Variants in PRKAR1B observed in about 807,000 individuals in gnomAD.
PRKAR1B encodes the protein cAMP-dependent protein kinase type I-beta regulatory subunit.
Under a neutral mutation model 46.5 loss-of-function variants are expected in PRKAR1B, and 22 were observed. The observed-to-expected ratio is 0.47, with a 90% CI of 0.34 to 0.68. The LOEUF (loss-of-function observed/expected upper bound fraction) is 0.68, where lower values mean the gene tolerates loss of function less well. PRKAR1B is among the 30% of genes least tolerant of loss of function. The probability of loss-of-function intolerance (pLI) is 0.01; values close to 1 mark genes in which losing one functional copy is unlikely to be tolerated. For synonymous variants in PRKAR1B, 259 were observed against 217.7 expected (o/e 1.19, Z -1.67); for missense variants, 445 against 535.6 (o/e 0.83, Z 1.67).
At chr7:609,623 T>A (rs1377667953) in intron 4 of PRKAR1B, among the ~76,000 whole-genome samples, 1 of 152,250 alleles carries the variant, frequency 6.6e-6, no homozygotes, top group Non-Finnish European at 1.5e-5. Flanking sequence ...TGCATATCAC[T>A]GACAGAAAGA....
At chr7:637,585 G>C (rs559508433) in intron 4 of PRKAR1B, among the ~76,000 whole-genome samples, 27 of 152,326 alleles carry the variant, frequency 1.8e-4, no homozygotes, top group Non-Finnish European at 3.5e-4. Context: ...TGTGATCCCA[G>C]CACTTTGGGA....
chr7:606,212 A>G lies in PRKAR1B; in HGVS notation c.530T>C (p.Val177Ala), dbSNP rs548436328. ...ACTCACATCCACTTCCCCTTGATCA[A>G]CGACATAGAAGTTGTCTCCTTCATT... The part of the protein sequence containing the change: ...QGNEGDNFYV[V>A]DQGEVDVYVN... Residue 177 changes from valine (V) to alanine (A), a missense_variant, in exon 6 of 11, where the codon GTT becomes GCT. Physicochemically the swap from Val to Ala is moderately conservative, Grantham distance 64. Around this residue, in one of 5 missense-constraint regions of PRKAR1B, gnomAD observed 94 missense variants for 126.9 expected, o/e 0.74. Transcript: ENST00000537384. 1.2e-6 allele frequency: 2 copies of G among 1,614,010 alleles called. No homozygotes were observed. The highest frequency in any genetic ancestry group is 1.3e-5 in the African/African-American group (1 of 75,058).
At chr7:554,516 T>TAA (rs1262013868) in intron 9 of PRKAR1B, among the ~76,000 whole-genome samples, 5 of 152,248 alleles carry the variant, frequency 3.3e-5, no homozygotes, top group African/African-American at 4.8e-5. Context: ...GTTCAGGTGC[T>TAA]TTTGACCCCA....
At chr7:649,022 G>A (rs991021472) in intron 4 of PRKAR1B, among the ~76,000 whole-genome samples, 2 of 151,984 alleles carry the variant, frequency 1.3e-5, no homozygotes, top group South Asian at 2.1e-4. Context: ...AAATTAGCCT[G>A]GCATGGTGGC....
At chr7:551,342 T>G in intron 10 of PRKAR1B, 47 bp downstream of exon 10, 4,158 of 1,493,742 alleles carry the variant, frequency 2.8e-3, no homozygotes, top group Non-Finnish European at 3.4e-3. Flanking sequence ...AGACCCCAAA[T>G]GAGATGGCCA....
intron 4 of PRKAR1B, among the ~76,000 whole-genome samples, chr7:621,334 C>T (rs1783098234): frequency 6.6e-6 from 1 of 152,234 alleles, no homozygotes; most frequent in African/African-American, 2.4e-5. Flanking sequence ...TCTATTTATT[C>T]ATGTGCCAAT....
intron 4 of PRKAR1B, among the ~76,000 whole-genome samples, chr7:672,192 C>A (rs192496488): frequency 6.6e-6 from 1 of 152,198 alleles, no homozygotes; most frequent in Admixed American, 6.5e-5. Context: ...GCTCTGTCGC[C>A]CAGGCTGGAG....
chr7:699,746 C>T (rs1779962558), intron 2 of PRKAR1B, among the ~76,000 whole-genome samples: 1 of 152,080 alleles, frequency 6.6e-6, no homozygotes, highest in Admixed American at 6.6e-5. Flanking sequence ...CCGTGGGTGG[C>T]CATGGGCTGC....
chr7:579,681 A>C (rs1474605739), intron 8 of PRKAR1B, among the ~76,000 whole-genome samples: 3 of 152,268 alleles, frequency 2.0e-5, no homozygotes, highest in Non-Finnish European at 2.9e-5. Context: ...CCCAGCAGTG[A>C]AAACTGACTC....
At chr7:599,131 C>T (rs980276898) in intron 6 of PRKAR1B, among the ~76,000 whole-genome samples, 3 of 152,164 alleles carry the variant, frequency 2.0e-5, no homozygotes, top group Non-Finnish European at 2.9e-5. Flanking sequence ...AGCCATTGTG[C>T]GGGTCCCACA....
At chr7:648,566 A>C (rs1440048254) in intron 4 of PRKAR1B, among the ~76,000 whole-genome samples, 1 of 152,014 alleles carries the variant, frequency 6.6e-6, no homozygotes, top group Non-Finnish European at 1.5e-5. Context: ...AGCCGAGATC[A>C]CGCCACCGCA....
intron 2 of PRKAR1B, among the ~76,000 whole-genome samples, chr7:697,438 C>T (rs369896109): frequency 6.6e-6 from 1 of 152,278 alleles, no homozygotes; most frequent in South Asian, 2.1e-4. Context: ...GGCGGCTGAT[C>T]CACCCCGCCT....
chr7:619,022 A>G (rs1782977609), intron 4 of PRKAR1B, among the ~76,000 whole-genome samples: 1 of 152,220 alleles, frequency 6.6e-6, no homozygotes, highest in Non-Finnish European at 1.5e-5. Flanking sequence ...CTGCCATCAC[A>G]GAGCACCACA....
chr7:677,284 C>G lies in PRKAR1B; in HGVS notation c.385G>C (p.Ala129Pro). 1 of 1,614,250 alleles carries G rather than the reference C, an allele frequency of 6.2e-7. No individual in the cohort carries two copies. The highest frequency in any genetic ancestry group is 8.5e-7 in the Non-Finnish European group (1 of 1,180,036). The change falls in exon 4 of 11, where the codon GCC (alanine) becomes CCC (proline). Residue 129 changes from alanine (A) to proline (P), a missense_variant. This residue lies in a region of PRKAR1B where 94 missense variants were observed against 126.9 expected (regional missense o/e 0.74). Coordinates refer to ENST00000537384, the MANE Select transcript of PRKAR1B (RefSeq NM_001164760.2). Reference protein sequence around the residue: ...PKDYKTMTALAKAISKNVLFA... With the variant: ...PKDYKTMTALPKAISKNVLFA... ...AGCACGTTCTTGGAGATGGCCTTGG[C>G]CAGCGCAGTCATGGTTTTGTAGTCC... is the stretch of plus-strand genomic sequence containing the variant.
In PRKAR1B at chr7:727,216, G is replaced by T; in HGVS notation, c.-29C>A. The T allele has an allele frequency of 7.4e-7, 1 of 1,350,854 alleles. No homozygotes were observed. Among genetic ancestry groups the T allele is most frequent in the South Asian group, 1.7e-5 (1 of 58,714 alleles). The allele number at this position is 1,350,854 out of a possible 1,614,324, so 83.7% of individuals were successfully genotyped here. ...CGCCGCGCTCGCGCCCCACCTGGACGACGCTCTGCGCGCGCTGCGCTGCTC... is the reference window on the plus strand; with the variant it reads ...CGCCGCGCTCGCGCCCCACCTGGACTACGCTCTGCGCGCGCTGCGCTGCTC... On this transcript the variant is annotated 5_prime_UTR_variant, in exon 1 of 11. Transcript: ENST00000537384.
intron 1 of PRKAR1B, among the ~76,000 whole-genome samples, chr7:721,117 T>C (rs917289171): frequency 6.6e-6 from 1 of 152,166 alleles, no homozygotes; most frequent in Non-Finnish European, 1.5e-5. Context: ...CCACCTTGAG[T>C]GAGTGGACAA....
intron 1 of PRKAR1B, among the ~76,000 whole-genome samples, chr7:720,903 C>T (rs559256031): frequency 9.9e-5 from 15 of 152,256 alleles, no homozygotes; most frequent in African/African-American, 2.2e-4. Flanking sequence ...ATCCACGTGG[C>T]GAACCTCTGT....
At chr7:581,010 AG>A (rs1488533072) in intron 8 of PRKAR1B, among the ~76,000 whole-genome samples, 1 of 152,170 alleles carries the variant, frequency 6.6e-6, no homozygotes, top group East Asian at 1.9e-4. Flanking sequence ...TCCTAAAAAC[AG>A]GGTCCGTACC....
chr7:595,578 G>T (rs1441400638), intron 7 of PRKAR1B, among the ~76,000 whole-genome samples: 1 of 152,266 alleles, frequency 6.6e-6, no homozygotes, highest in East Asian at 1.9e-4. Context: ...ACCTCCAGGA[G>T]CCCCTACAAA....
Sources: gnomAD v4.1 joint callset for allele counts (sites outside exome capture counted in the v4.1 genomes callset) on GRCh38, gnomAD v4.1.1 for gene constraint, gnomAD v4.1.1 regional missense constraint, MANE v1.5 for transcripts, NCBI Gene and HGNC (gene_info 2026-07-23, HGNC 2026-07-21) for gene names.